Variants in LIG3 observed in about 807,000 individuals in gnomAD.
LIG3 encodes the protein DNA ligase 3.
LIG3 carries 58 observed loss-of-function variants against 110.9 expected under a neutral mutation model. The ratio of observed to expected loss-of-function variants is 0.52; its 90% CI spans 0.42 to 0.65. The LOEUF is 0.65. LIG3 is among the 30% of genes least tolerant of loss of function. LIG3 has a pLI of 0.00. For missense variants in LIG3, 1,094 were observed against 1,273.8 expected (o/e 0.86, Z 2.15); for synonymous variants, 422 against 472.8 (o/e 0.89, Z 1.39).
At chr17:34,984,752 A>G (rs1285401534) in intron 2 of LIG3, among the ~76,000 whole-genome samples, 1 of 148,184 alleles carries the variant, frequency 6.7e-6, no homozygotes, top group Non-Finnish European at 1.5e-5. Context: ...ATACTATGTG[A>G]ACACATTGTC....
At chr17:35,003,496 G>T (rs988316551) in intron 19 of LIG3, 3 of 176,826 alleles carry the variant, frequency 1.7e-5, no homozygotes, top group African/African-American at 7.1e-5. Context: ...TGTATTTTTA[G>T]TAGAGACGGG....
At position 34,996,202 on chromosome 17, in the gene LIG3, G is replaced by C; in HGVS notation, c.1743+7G>C. On this transcript the variant is annotated splice_region_variant and intron_variant, in intron 10 of 19. Coordinates refer to ENST00000378526, the MANE Select transcript of LIG3 (RefSeq NM_013975.4). Reference sequence around the variant, plus strand: ...GACTCTGGGAGTACACAAGGTACTAGCTCAGGGCCATATGTGCAAGAATGA... The same window carrying C: ...GACTCTGGGAGTACACAAGGTACTACCTCAGGGCCATATGTGCAAGAATGA... 1 of 1,613,716 alleles carries C rather than the reference G, an allele frequency of 6.2e-7. No homozygotes were observed. Among genetic ancestry groups the C allele is most frequent in the Non-Finnish European group, 8.5e-7 (1 of 1,179,846 alleles).
intron 1 of LIG3, 29 bp downstream of exon 1, chr17:34,980,651 C>CGGCGGGGCCCGGCGT: frequency 8.5e-7 from 1 of 1,176,354 alleles, no homozygotes; most frequent in South Asian, 1.5e-5. Context: ...CGGCACGGCG[C>CGGCGGGGCCCGGCGT]GGCGGGGCCC....
At chr17:34,998,522 C>A in intron 13 of LIG3, 82 bp from the exon 14 acceptor site, 2 of 1,539,592 alleles carry the variant, frequency 1.3e-6, no homozygotes, top group African/African-American at 1.4e-5. Context: ...TGGGCTAGAT[C>A]TGGTGTGTAG....
In LIG3 at chr17:34,980,626, A is replaced by AG; in HGVS notation, c.-5+8dup. On this transcript the variant is annotated splice_donor_region_variant and intron_variant, in intron 1 of 19. Coordinates refer to ENST00000378526, the MANE Select transcript of LIG3 (RefSeq NM_013975.4). ...AGCGCCGGAGCCGGAGAGGCAGGTG[A>AG]GGGGCTACGCGGCGCGGCACGGCGC... The AG allele has an allele frequency of 7.8e-7, 1 of 1,278,576 alleles. No individual in the cohort carries two copies. Among genetic ancestry groups the AG allele is most frequent in the Non-Finnish European group, 1.0e-6 (1 of 983,402 alleles). 79.2% of individuals were successfully genotyped at this position (1,278,576 alleles called of 1,614,324 possible).
chr17:34,986,070 T>A lies in LIG3; in HGVS notation c.630T>A (p.Ser210=). 6.2e-7 allele frequency: 1 copy of A among 1,614,140 alleles called. No individual in the cohort carries two copies. The highest frequency in any genetic ancestry group is 1.3e-5 in the African/African-American group (1 of 75,056). ...TGACAACCACTGGCCAGGTGACTTCTCCAGTGAAAGGCGCCTCATTTGTCA... is the reference window on the plus strand; with the variant it reads ...TGACAACCACTGGCCAGGTGACTTCACCAGTGAAAGGCGCCTCATTTGTCA... ...AKLTTTGQVT[S]PVKGASFVTS... is the part of the protein sequence containing the mutation. The change falls in exon 3 of 20, where the codon TCT becomes TCA. Residue 210 remains serine (S), a synonymous_variant. Transcript: ENST00000378526.
intron 14 of LIG3, chr17:34,998,958 A>G (rs2090810270): frequency 5.7e-6 from 3 of 527,394 alleles, no homozygotes; most frequent in Admixed American, 6.7e-5. Context: ...GACGCTTACC[A>G]CCAATTATTT....
intron 12 of LIG3, 96 bp downstream of exon 12, chr17:34,997,921 T>A (rs2090796568): frequency 1.1e-6 from 1 of 928,038 alleles, no homozygotes; most frequent in Non-Finnish European, 1.8e-6. Flanking sequence ...TAAATCTTAA[T>A]GTCTTATGGA....
In LIG3 at chr17:35,002,655, C is replaced by T. The variant is rs1218024631; in HGVS notation, c.2675-13C>T. 8 of 1,610,660 alleles carry T rather than the reference C, an allele frequency of 5.0e-6. No individual in the cohort carries two copies. The highest frequency in any genetic ancestry group is 1.9e-4 in the Middle Eastern group (1 of 5,392). The stretch of plus-strand genomic sequence containing the variant: ...TGTGCACCACCACACCCAGCTTCCT[C>T]TCTGTCCTGCAGGCAACATGCAGAC... On this transcript the variant is annotated splice_polypyrimidine_tract_variant and intron_variant, in intron 18 of 19. Transcript: ENST00000378526.
In LIG3 at chr17:34,983,339, A is replaced by G. The variant is rs201474129; in HGVS notation, c.334A>G (p.Ile112Val). The G allele has an allele frequency of 1.9e-6, 3 of 1,614,106 alleles. No individual in the cohort carries two copies. Among genetic ancestry groups the G allele is most frequent in the Non-Finnish European group, 2.5e-6 (3 of 1,180,046 alleles). ...TGGCTGCAAAAAATGCAAGGAAAAG[A>G]TTGTGAAGGGCGTATGCCGAATTGG... The part of the protein sequence containing the change: ...TAGCKKCKEK[I>V]VKGVCRIGKV... Residue 112 changes from isoleucine (I) to valine (V), a missense_variant, in exon 2 of 20, where the codon ATT becomes GTT. By Grantham distance (29) the Ile-to-Val change is conservative. Transcript: ENST00000378526.
chr17:34,983,717 G>A lies in LIG3; in HGVS notation c.547+165G>A, dbSNP rs565468804. Among the ~76,000 whole-genome samples the A allele has an allele frequency of 2.6e-4, 40 of 152,292 alleles. No homozygotes were observed. In the South Asian group the frequency reaches 7.9e-3, roughly 30 times the overall value. On this transcript the variant is annotated intron_variant, in intron 2 of 19. Transcript: ENST00000378526. The stretch of plus-strand genomic sequence containing the variant: ...AATGTTGCATTCGTAGCTCACTGCA[G>A]CTTTGCACTGCTGGACTCAGGTCAT...
At position 34,999,326 on chromosome 17, in the gene LIG3, C is replaced by T. The variant is rs182278321; in HGVS notation, c.2133C>T (p.Phe711=). The change falls in exon 15 of 20, where the codon TTC becomes TTT. Residue 711 remains phenylalanine (F), a synonymous_variant. Coordinates refer to ENST00000378526, the MANE Select transcript of LIG3 (RefSeq NM_013975.4). ...TCCCAGGCGGCATGATGTCAATCTTCCTCATGGGCTGCTACGACCCTGGCA... is the reference window on the plus strand; with the variant it reads ...TCCCAGGCGGCATGATGTCAATCTTTCTCATGGGCTGCTACGACCCTGGCA... ...QGSKGGMMSI[F]LMGCYDPGSQ... 1.8e-4 allele frequency: 287 copies of T among 1,613,370 alleles called. 2 individuals carry two copies. In the East Asian group the frequency reaches 5.8e-3, roughly 33 times the overall value.
Position 35,001,986 on chromosome 17 carries a change from T to C in LIG3, c.2556T>C (p.Gly852=), listed in dbSNP as rs562004579. 1 of 1,612,374 alleles carries C rather than the reference T, an allele frequency of 6.2e-7. No individual in the cohort carries two copies. The highest frequency in any genetic ancestry group is 1.1e-5 in the South Asian group (1 of 90,818). Reference sequence around the variant, plus strand: ...ATGAGGGGAGCTCCACTACAGGGGGTAGCAGTGAAGAGAATAAGGGTCCCT... The same window carrying C: ...ATGAGGGGAGCTCCACTACAGGGGGCAGCAGTGAAGAGAATAAGGGTCCCT... ...AGDEGSSTTG[G]SSEENKGPSG... The change falls in exon 18 of 20, where the codon GGT becomes GGC. Residue 852 remains glycine, a synonymous_variant. Coordinates refer to ENST00000378526, the MANE Select transcript of LIG3 (RefSeq NM_013975.4).
Position 35,005,387 on chromosome 17 carries a change from G to C in LIG3, c.*881G>C, listed in dbSNP as rs998194298. 6 of 558,868 alleles carry C rather than the reference G, an allele frequency of 1.1e-5. No individual in the cohort carries two copies. Among genetic ancestry groups the C allele is most frequent in the South Asian group, 8.2e-5 (6 of 72,746 alleles). The allele number at this position is 558,868 out of a possible 1,614,324, so 34.6% of individuals were successfully genotyped here. ...GCCACCCTGGCTGCACATGCCATCA[G>C]CCATGACTGTGTATGCTCTGGTGGT... is the stretch of plus-strand genomic sequence containing the variant. On this transcript the variant is annotated 3_prime_UTR_variant, in exon 20 of 20. Coordinates refer to ENST00000378526, the MANE Select transcript of LIG3 (RefSeq NM_013975.4).
chr17:34,999,711 T>A, intron 15 of LIG3, 71 bp from the exon 16 acceptor site: 1 of 1,383,164 alleles, frequency 7.2e-7, no homozygotes, highest in East Asian at 2.3e-5. Context: ...TATAATCTCA[T>A]TACCAAGAGA....
intron 2 of LIG3, among the ~76,000 whole-genome samples, chr17:34,984,189 G>T (rs946082469): frequency 2.0e-5 from 3 of 152,110 alleles, no homozygotes. Context: ...GCCTTTTCCT[G>T]CAGTATAGGA....
At chr17:34,994,778 G>C (rs1166673479) in intron 9 of LIG3, among the ~76,000 whole-genome samples, 3 of 152,088 alleles carry the variant, frequency 2.0e-5, no homozygotes, top group Admixed American at 6.5e-5. Context: ...CTAGACTAAG[G>C]CTTATATACC....
At chr17:34,980,656 G>GGGCCCGGCGT (rs1294609018) in intron 1 of LIG3, 34 bp downstream of exon 1, 6 of 1,164,614 alleles carry the variant, frequency 5.2e-6, no homozygotes, top group East Asian at 1.0e-4. Flanking sequence ...CGGCGCGGCG[G>GGGCCCGGCGT]GGCCCGGCGT....
chr17:34,996,276 A>G, intron 10 of LIG3, 81 bp downstream of exon 10: 1 of 1,483,636 alleles, frequency 6.7e-7, no homozygotes. Context: ...CGGTCTGAAA[A>G]GGGAGGAAAT....
Sources: allele counts gnomAD v4.1 joint callset (sites outside exome capture counted in the v4.1 genomes callset), GRCh38; gene constraint gnomAD v4.1.1; transcripts MANE v1.5; gene names NCBI Gene and HGNC (gene_info 2026-07-23, HGNC 2026-07-21).